ARHGAP10: variants seen among roughly 807,000 people sequenced by gnomAD.
ARHGAP10 encodes the protein Rho GTPase activating protein 10.
In ARHGAP10, 87 loss-of-function variants were observed where a neutral mutation model predicts 108.6. The observed-to-expected ratio is 0.80, with a 90% CI of 0.67 to 0.96. ARHGAP10 has a LOEUF of 0.96. ARHGAP10 is among the 40% of genes least tolerant of loss of function. ARHGAP10 has a pLI of 0.00. For missense variants in ARHGAP10, 939 were observed against 954.5 expected, an observed-to-expected ratio of 0.98 and a Z score of 0.21; for synonymous variants, 347 against 341.1, an observed-to-expected ratio of 1.02 and a Z score of -0.19.
intron 18 of ARHGAP10, among the ~76,000 whole-genome samples, chr4:147,996,521 T>G (rs1740485181): frequency 6.6e-6 from 1 of 152,142 alleles, no homozygotes; most frequent in South Asian, 2.1e-4. Context: ...CCTGGGGGAC[T>G]GAAGGACCAG....
At chr4:147,887,726 G>A (rs1735628440) in intron 10 of ARHGAP10, among the ~76,000 whole-genome samples, 1 of 151,968 alleles carries the variant, frequency 6.6e-6, no homozygotes, top group Non-Finnish European at 1.5e-5. Flanking sequence ...GCCGGGTGTG[G>A]TGGCGGGCGC....
intron 10 of ARHGAP10, among the ~76,000 whole-genome samples, chr4:147,885,472 G>C (rs888204683): frequency 2.0e-5 from 3 of 152,196 alleles, no homozygotes; most frequent in Non-Finnish European, 2.9e-5. Context: ...CCTCCCACCA[G>C]GTCCCTCCCA....
intron 1 of ARHGAP10, among the ~76,000 whole-genome samples, chr4:147,815,845 G>A (rs567538925): frequency 7.2e-5 from 11 of 152,280 alleles, no homozygotes; most frequent in African/African-American, 2.6e-4. Flanking sequence ...TAGTCTAGGT[G>A]ACAGAGTGAG....
At chr4:147,847,544 C>T (rs1733686307) in intron 4 of ARHGAP10, among the ~76,000 whole-genome samples, 1 of 152,136 alleles carries the variant, frequency 6.6e-6, no homozygotes. Flanking sequence ...TCTGTGCGCA[C>T]CTCAGTTTTA....
intron 1 of ARHGAP10, among the ~76,000 whole-genome samples, chr4:147,763,515 T>C (rs1729670594): frequency 1.3e-5 from 2 of 151,882 alleles, no homozygotes; most frequent in African/African-American, 4.8e-5. Context: ...TTTCACCATG[T>C]TGGACAGGAT....
intron 4 of ARHGAP10, among the ~76,000 whole-genome samples, chr4:147,849,917 T>G (rs1339557575): frequency 6.6e-6 from 1 of 152,234 alleles, no homozygotes. Flanking sequence ...AAAAAGCCCT[T>G]TTGCTATCAC....
chr4:147,833,152 G>C (rs1733022156), intron 3 of ARHGAP10, among the ~76,000 whole-genome samples: 1 of 152,162 alleles, frequency 6.6e-6, no homozygotes, highest in South Asian at 2.1e-4. Flanking sequence ...TGGCACAGAG[G>C]AAAAATATGT....
At chr4:147,993,864 A>G (rs893612993) in intron 18 of ARHGAP10, among the ~76,000 whole-genome samples, 2 of 152,226 alleles carry the variant, frequency 1.3e-5, no homozygotes, top group South Asian at 2.1e-4. Flanking sequence ...GGTAGGCATT[A>G]AAGGCTCAGT....
intron 1 of ARHGAP10, among the ~76,000 whole-genome samples, chr4:147,798,006 G>A (rs1361854138): frequency 3.3e-5 from 5 of 152,056 alleles, no homozygotes; most frequent in Non-Finnish European, 7.3e-5. Flanking sequence ...ATTAGATCGA[G>A]GACCAAGAAT....
intron 15 of ARHGAP10, among the ~76,000 whole-genome samples, chr4:147,949,648 G>A (rs182941790): frequency 6.6e-6 from 1 of 151,618 alleles, no homozygotes; most frequent in Admixed American, 6.6e-5. Context: ...AGTAGGTAAG[G>A]GATATAAACA....
intron 10 of ARHGAP10, among the ~76,000 whole-genome samples, chr4:147,886,296 G>T (rs113526008): frequency 6.6e-6 from 1 of 152,132 alleles, no homozygotes; most frequent in Non-Finnish European, 1.5e-5. Context: ...GATGCTTTCA[G>T]CACTTGGCTT....
chr4:148,029,557 C>G (rs535509431), intron 19 of ARHGAP10, among the ~76,000 whole-genome samples: 1 of 152,326 alleles, frequency 6.6e-6, no homozygotes, highest in Admixed American at 6.5e-5. Flanking sequence ...TAGATGTTTC[C>G]TTGTAAACAT....
chr4:147,787,144 G>A (rs1028167305), intron 1 of ARHGAP10, among the ~76,000 whole-genome samples: 2 of 152,166 alleles, frequency 1.3e-5, no homozygotes, highest in African/African-American at 4.8e-5. Context: ...AGAAGATCAG[G>A]GTTGTCACAT....
chr4:148,049,579 C>T (rs1437662166), intron 20 of ARHGAP10, among the ~76,000 whole-genome samples: 8 of 152,000 alleles, frequency 5.3e-5, no homozygotes, highest in African/African-American at 9.7e-5. Context: ...TCTTCACCTC[C>T]GGGAAGTCTT....
intron 15 of ARHGAP10, among the ~76,000 whole-genome samples, chr4:147,952,414 A>C (rs1394086582): frequency 6.6e-6 from 1 of 151,982 alleles, no homozygotes; most frequent in Non-Finnish European, 1.5e-5. Context: ...ATTCTTGCCA[A>C]CTCTTAAGCT....
chr4:147,883,870 T>C (rs1298758323), intron 10 of ARHGAP10, among the ~76,000 whole-genome samples: 1 of 152,050 alleles, frequency 6.6e-6, no homozygotes. Flanking sequence ...AATTTTTGTA[T>C]TTTCAGTACA....
At chr4:147,935,230 G>A (rs1191768539) in intron 13 of ARHGAP10, among the ~76,000 whole-genome samples, 2 of 152,170 alleles carry the variant, frequency 1.3e-5, no homozygotes, top group Non-Finnish European at 2.9e-5. Flanking sequence ...GGATGTGTGC[G>A]TGTGTGTGCC....
At chr4:147,802,943 G>A (rs1488791577) in intron 1 of ARHGAP10, among the ~76,000 whole-genome samples, 6 of 152,096 alleles carry the variant, frequency 3.9e-5, no homozygotes, top group Admixed American at 1.3e-4. Flanking sequence ...ACTGTGACAT[G>A]TAAGGGTTTG....
At chr4:147,823,084 A>G in intron 3 of ARHGAP10, 127 bp downstream of exon 3, 2 of 988,916 alleles carry the variant, frequency 2.0e-6, no homozygotes, top group Non-Finnish European at 3.0e-6. Flanking sequence ...TTGTAATGGA[A>G]AGATGAGGTT....
Sources: gnomAD v4.1 joint callset for allele counts (sites outside exome capture counted in the v4.1 genomes callset) on GRCh38, gnomAD v4.1.1 for gene constraint, MANE v1.5 for transcripts, NCBI Gene and HGNC (gene_info 2026-07-23, HGNC 2026-07-21) for gene names.